The following NKIRAS1 variants were observed in gnomAD, a reference collection of about 807,000 sequenced individuals.
NKIRAS1 encodes the protein NFKB inhibitor interacting Ras like 1, also known as NF-kappa-B inhibitor-interacting Ras-like protein 1.
In NKIRAS1, 16 loss-of-function variants were observed where a neutral mutation model predicts 19.8. That is an observed-to-expected ratio of 0.81 (90% CI 0.55 to 1.23). The LOEUF (loss-of-function observed/expected upper bound fraction) is 1.23, where lower values mean the gene tolerates loss of function less well. NKIRAS1 is among the 50% of genes most tolerant of loss of function. The probability of loss-of-function intolerance (pLI) is 0.00; values close to 1 mark genes in which losing one functional copy is unlikely to be tolerated. For missense variants in NKIRAS1, 184 were observed against 220.0 expected (o/e 0.84, Z 1.04); for synonymous variants, 88 against 79.0 (o/e 1.11, Z -0.61).
chr3:23,917,873 A>G, upstream of NKIRAS1: 2 of 1,608,840 alleles, frequency 1.2e-6, no homozygotes, highest in Non-Finnish European at 1.7e-6. Flanking sequence ...GGTGCATACA[A>G]GTACATCCAG....
chr3:23,909,398 G>T (rs570938700), intron 3 of NKIRAS1, among the ~76,000 whole-genome samples: 2 of 152,104 alleles, frequency 1.3e-5, no homozygotes, highest in Non-Finnish European at 2.9e-5. Flanking sequence ...GTGGTAGCAC[G>T]CACCCATAGT....
chr3:23,918,563 A>G, upstream of NKIRAS1: 1 of 1,613,888 alleles, frequency 6.2e-7, no homozygotes, highest in Non-Finnish European at 8.5e-7. Flanking sequence ...CGAAGCCTTC[A>G]GTCCGTTGCA....
At chr3:23,921,410 A>C (rs562308294), upstream of NKIRAS1, among the ~76,000 whole-genome samples, 7 of 152,258 alleles carry the variant, frequency 4.6e-5, no homozygotes, top group East Asian at 1.4e-3. Flanking sequence ...TTGTTCTTCA[A>C]ATACACCAAA....
rs906661357 is a variant in NKIRAS1 at position 23,926,208 on chromosome 3, C to T, written c.-139-14758G>A. 2.0e-5 allele frequency among the ~76,000 whole-genome samples: 3 copies of T among 152,096 alleles called. No homozygotes were observed. Among genetic ancestry groups the T allele is most frequent in the East Asian group, 1.9e-4 (1 of 5,198 alleles). On this transcript the variant is annotated intron_variant, in intron 1 of 4. Coordinates refer to the NKIRAS1 transcript ENST00000421515. This position sits in a 1 kb window ranked among gnomAD's most constrained non-coding sequence, Gnocchi z 4.3. ...CTGGGATTACAGGCACCCGCCACCA[C>T]GCCCAGCTAATTTTTGTGTTTTTAG...
At chr3:23,916,366 A>T (rs921365580) in intron 1 of NKIRAS1, 1 of 152,196 alleles carries the variant, frequency 6.6e-6, no homozygotes, top group Non-Finnish European at 1.5e-5. Flanking sequence ...CTTCTCTAAA[A>T]CATTCACACC....
intron 1 of NKIRAS1, among the ~76,000 whole-genome samples, chr3:23,928,135 C>A (rs1269346442): frequency 6.6e-6 from 1 of 150,778 alleles, no homozygotes; most frequent in Non-Finnish European, 1.5e-5. Flanking sequence ...CACATACACA[C>A]ACACACAGTT....
intron 3 of NKIRAS1, among the ~76,000 whole-genome samples, chr3:23,905,370 T>C (rs544652371): frequency 3.9e-5 from 6 of 152,342 alleles, no homozygotes; most frequent in Non-Finnish European, 7.3e-5. Context: ...ATGTGGAGAT[T>C]ATGTGAAGGT....
chr3:23,943,945 G>T (rs1201346435), intron 1 of NKIRAS1, among the ~76,000 whole-genome samples: 1 of 152,212 alleles, frequency 6.6e-6, no homozygotes, highest in African/African-American at 2.4e-5. Context: ...AGAGTAATCA[G>T]ATCTTATTTA....
Position 23,926,903 on chromosome 3 carries a change from C to A in NKIRAS1, c.-139-15453G>T, listed in dbSNP as rs1462128075. ...TTCTTTGGATTTGTCCTAGAAGGATCAAGCTGGCCTGAAATACCAATAGGG... is the reference window on the plus strand; with the variant it reads ...TTCTTTGGATTTGTCCTAGAAGGATAAAGCTGGCCTGAAATACCAATAGGG... On this transcript the variant is annotated intron_variant, in intron 1 of 4. Transcript: ENST00000421515. This position sits in a 1 kb window ranked among gnomAD's most constrained non-coding sequence, Gnocchi z 4.3. 6.6e-6 allele frequency among the ~76,000 whole-genome samples: 1 copy of A among 152,218 alleles called. No individual in the cohort carries two copies. Among genetic ancestry groups the A allele is most frequent in the Non-Finnish European group, 1.5e-5 (1 of 68,038 alleles).
rs2125260804 is a variant in NKIRAS1, at chr3:23,922,284, G to A, written c.-139-10834C>T. Reference sequence around the variant, plus strand: ...GTTTCTTACAATCCCAAAAGGTGCAGTTACTAGTATTAATCCTTTTTTGCC... The same window carrying A: ...GTTTCTTACAATCCCAAAAGGTGCAATTACTAGTATTAATCCTTTTTTGCC... On this transcript the variant is annotated intron_variant, in intron 1 of 4. Coordinates refer to the NKIRAS1 transcript ENST00000421515. This position sits in a 1 kb window ranked among gnomAD's most constrained non-coding sequence, Gnocchi z 4.2. 6.6e-6 allele frequency: 1 copy of A among 152,268 alleles called. No individual in the cohort carries two copies. The highest frequency in any genetic ancestry group is 1.9e-4 in the East Asian group (1 of 5,206). The allele number at this position is 152,268 out of a possible 1,614,324, so 9.4% of individuals were successfully genotyped here.
intron 4 of NKIRAS1, among the ~76,000 whole-genome samples, chr3:23,894,209 G>T (rs1701748475): frequency 6.6e-6 from 1 of 152,336 alleles, no homozygotes; most frequent in African/African-American, 2.4e-5. Flanking sequence ...TCGGGGAGGA[G>T]AAGAGACCCC....
rs1267840582 is a variant in NKIRAS1, at chr3:23,922,748, T to C, written c.-139-11298A>G. ...AAATTCAAAAGATAAGTATAGGCTCTACAGTACAAACCCTTCTGCCTCCTA... is the reference window on the plus strand; with the variant it reads ...AAATTCAAAAGATAAGTATAGGCTCCACAGTACAAACCCTTCTGCCTCCTA... On this transcript the variant is annotated intron_variant, in intron 1 of 4. Coordinates refer to the NKIRAS1 transcript ENST00000421515. This position sits in a 1 kb window ranked among gnomAD's most constrained non-coding sequence, Gnocchi z 4.2. 6.6e-6 allele frequency: 1 copy of C among 152,216 alleles called. No individual in the cohort carries two copies. The highest frequency in any genetic ancestry group is 1.5e-5 in the Non-Finnish European group (1 of 68,034). 9.4% of individuals were successfully genotyped at this position (152,216 alleles called of 1,614,324 possible).
intron 1 of NKIRAS1, 27 bp downstream of exon 1, chr3:23,916,757 G>C (rs533051673): frequency 2.7e-4 from 41 of 150,672 alleles, no homozygotes; most frequent in African/African-American, 1.0e-3. Flanking sequence ...CTCCGCAGGG[G>C]GAGAGCCCGC....
At chr3:23,908,954 AAAGTGC>A (rs1703359667) in intron 3 of NKIRAS1, among the ~76,000 whole-genome samples, 1 of 151,004 alleles carries the variant, frequency 6.6e-6, no homozygotes, top group African/African-American at 2.4e-5. Flanking sequence ...TTGGCCTCCC[AAAGTGC>A]TGAGATTACC....
chr3:23,906,963 G>T (rs1703125058), intron 3 of NKIRAS1, among the ~76,000 whole-genome samples: 2 of 151,902 alleles, frequency 1.3e-5, no homozygotes. Context: ...GCGTGATCTT[G>T]GCTCACGATA....
chr3:23,908,344 T>C (rs1703275794), intron 3 of NKIRAS1, among the ~76,000 whole-genome samples: 1 of 152,230 alleles, frequency 6.6e-6, no homozygotes, highest in East Asian at 1.9e-4. Flanking sequence ...TGTTAAGTTT[T>C]AGTGAAATAC....
In NKIRAS1 at chr3:23,900,808, C is replaced by A. The variant is rs1353313419; in HGVS notation, c.336G>T (p.Glu112Asp). 6.2e-7 allele frequency: 1 copy of A among 1,611,860 alleles called. No homozygotes were observed. Among genetic ancestry groups the A allele is most frequent in the South Asian group, 1.1e-5 (1 of 90,910 alleles). ...KEIDKFKDKK[E>D]VAIVVLGNKI... ...TGGCATTTTTAACATATCCACTTGC[C>A]TCTTTTTTGTCTTTGAACTTATCGA... is the stretch of plus-strand genomic sequence containing the variant. The change falls in exon 4 of 5, where the codon GAG (glutamate) becomes GAT (aspartate). Residue 112 changes from glutamate to aspartate, a missense_variant and splice_region_variant. Coordinates refer to ENST00000425478, the MANE Select transcript of NKIRAS1 (RefSeq NM_020345.4).
At chr3:23,925,989 A>G (rs980650372) in intron 1 of NKIRAS1, among the ~76,000 whole-genome samples, 4 of 152,222 alleles carry the variant, frequency 2.6e-5, no homozygotes, top group Non-Finnish European at 5.9e-5. Flanking sequence ...CAGCACAGAA[A>G]ATATTTTGAC....
rs769583349 is a variant in NKIRAS1 at position 23,891,040 on chromosome 3, T to A, written c.*2055A>T. On this transcript the variant is annotated 3_prime_UTR_variant, in exon 5 of 5. Transcript: ENST00000425478. Reference sequence around the variant, plus strand: ...GGAACATTGATATTTAACAGAGTTTTTAGAGATTGTCATCTCATATATATA... The same window carrying A: ...GGAACATTGATATTTAACAGAGTTTATAGAGATTGTCATCTCATATATATA... The A allele has an allele frequency of 1.3e-5, 2 of 153,316 alleles. No homozygotes were observed. Among genetic ancestry groups the A allele is most frequent in the African/African-American group, 2.4e-5 (1 of 41,484 alleles). 9.5% of individuals were successfully genotyped at this position (153,316 alleles called of 1,614,324 possible).
Sources: allele counts gnomAD v4.1 joint callset (sites outside exome capture counted in the v4.1 genomes callset), GRCh38; gene constraint gnomAD v4.1.1; non-coding constraint Gnocchi (gnomAD v3.1); transcripts MANE v1.5; gene names NCBI Gene and HGNC (gene_info 2026-07-23, HGNC 2026-07-21).